Variants in SMG7 observed in about 807,000 individuals in gnomAD.
The protein encoded by SMG7 is nonsense-mediated mRNA decay factor SMG7.
Under a neutral mutation model 148.2 loss-of-function variants are expected in SMG7, and 34 were observed. That is an observed-to-expected ratio of 0.23 (90% CI 0.17 to 0.31). The LOEUF is 0.31. Ranked by LOEUF, SMG7 falls within the 10% of genes least tolerant of loss-of-function variation. SMG7 has a pLI of 1.00. For missense variants in SMG7, 1,114 were observed against 1,408.4 expected (o/e 0.79, Z 3.35); for synonymous variants, 492 against 515.1 (o/e 0.96, Z 0.61).
intron 1 of SMG7, among the ~76,000 whole-genome samples, chr1:183,478,976 G>A (rs982859163): frequency 1.3e-5 from 2 of 152,166 alleles, no homozygotes; most frequent in Non-Finnish European, 2.9e-5. Flanking sequence ...CTTATCAGCT[G>A]TCTGGGAAAT....
At chr1:183,516,018 T>G (rs1415206228) in intron 3 of SMG7, 27 bp downstream of exon 3, 2 of 1,345,416 alleles carry the variant, frequency 1.5e-6, no homozygotes, top group Non-Finnish European at 2.1e-6. Context: ...ATTTGAGAAG[T>G]CCCTGTAAGA....
chr1:183,550,298 G>A (rs1035445401), intron 20 of SMG7, among the ~76,000 whole-genome samples: 7 of 152,032 alleles, frequency 4.6e-5, no homozygotes, highest in African/African-American at 1.7e-4. Flanking sequence ...TCAAACTCCT[G>A]GGCTCAAGCA....
At chr1:183,499,200 G>A (rs1019441775) in intron 1 of SMG7, among the ~76,000 whole-genome samples, 2 of 152,172 alleles carry the variant, frequency 1.3e-5, no homozygotes, top group Admixed American at 6.5e-5. Flanking sequence ...AGTTTTCAGT[G>A]ATTATAAATA....
chr1:183,497,590 G>A (rs1658794869), intron 1 of SMG7, among the ~76,000 whole-genome samples: 2 of 151,910 alleles, frequency 1.3e-5, no homozygotes, highest in South Asian at 2.1e-4. Context: ...TTTATTTTGC[G>A]ATGGAGTCTT....
chr1:183,474,546 A>G (rs1241500406), intron 1 of SMG7, among the ~76,000 whole-genome samples: 1 of 152,246 alleles, frequency 6.6e-6, no homozygotes, highest in Non-Finnish European at 1.5e-5. Context: ...CCTGGGCAAC[A>G]AGAGTGAAAC....
chr1:183,512,916 T>G, intron 2 of SMG7, 48 bp downstream of exon 2: 2 of 1,499,612 alleles, frequency 1.3e-6, no homozygotes, highest in Non-Finnish European at 1.8e-6. Context: ...ATATATTAAA[T>G]TAATGGAAGG....
At chr1:183,542,927 ATGTGTGTGTGTGTGTG>A (rs3979479) in intron 14 of SMG7, among the ~76,000 whole-genome samples, 38 of 85,164 alleles carry the variant, frequency 4.5e-4, no homozygotes, top group African/African-American at 1.2e-3. Flanking sequence ...ATATATATAT[ATGTGTGTGTGTGTGTG>A]TGTGTGTGTG....
intron 1 of SMG7, among the ~76,000 whole-genome samples, chr1:183,474,131 T>G (rs1358105748): frequency 1.2e-4 from 19 of 152,212 alleles, no homozygotes. Flanking sequence ...TTCAAATAAA[T>G]ATAGCTATGA....
At position 183,533,708 on chromosome 1, in the gene SMG7, C is replaced by T. The variant is rs777353116; in HGVS notation, c.1039C>T (p.Leu347=). ...SFLGILCKCP[L]QNESQEESYN... is the part of the protein sequence containing the mutation. Reference sequence around the variant, plus strand: ...TCTTGGCATCCTGTGCAAGTGTCCTCTACAGAATGAGTCTCAGGAGGAGTC... The same window carrying T: ...TCTTGGCATCCTGTGCAAGTGTCCTTTACAGAATGAGTCTCAGGAGGAGTC... The change falls in exon 10 of 23, where the codon CTA becomes TTA. Residue 347 remains leucine, a synonymous_variant. Coordinates refer to ENST00000688051, the MANE Select transcript of SMG7 (RefSeq NM_001375584.1). 4.3e-6 allele frequency: 7 copies of T among 1,613,168 alleles called. No homozygotes were observed. Among genetic ancestry groups the T allele is most frequent in the Non-Finnish European group, 5.9e-6 (7 of 1,179,498 alleles).
chr1:183,533,897 A>G, intron 10 of SMG7, 65 bp downstream of exon 10: 5 of 1,351,074 alleles, frequency 3.7e-6, no homozygotes, highest in African/African-American at 2.9e-5. Context: ...ATAAATATGT[A>G]AAAACTGCCT....
chr1:183,546,203 T>C lies in SMG7; in HGVS notation c.2608T>C (p.Tyr870His). 6.2e-7 allele frequency: 1 copy of C among 1,614,086 alleles called. No individual in the cohort carries two copies. The highest frequency in any genetic ancestry group is 8.5e-7 in the Non-Finnish European group (1 of 1,179,984). ...CTCAGAAGTCAAGGTCCCAGAATTC[T>C]ACTGGGATTCTTCCTACAGCATGGC... ...NPSEVKVPEFYWDSSYSMADN... is the reference protein window; with the variant it reads ...NPSEVKVPEFHWDSSYSMADN... Residue 870 changes from tyrosine to histidine, a missense_variant, in exon 17 of 23, where the codon TAC becomes CAC. Coordinates refer to ENST00000688051, the MANE Select transcript of SMG7 (RefSeq NM_001375584.1).
rs532744837 is a variant in SMG7, at chr1:183,485,067, A to AT, written c.29+12420dup. Among the ~76,000 whole-genome samples the AT allele has an allele frequency of 7.2e-4, 110 of 152,134 alleles. 2 individuals carry two copies. Among genetic ancestry groups the AT allele is most frequent in the Non-Finnish European group, 1.2e-3 (85 of 68,016 alleles). On this transcript the variant is annotated intron_variant, in intron 1 of 22. Transcript: ENST00000688051. Reference sequence around the variant, plus strand: ...TGTTGTGCCAGACAGTATTCCAAATATTGTGTGTTTATTAACTCTTTGAAT... The same window carrying AT: ...TGTTGTGCCAGACAGTATTCCAAATATTTGTGTGTTTATTAACTCTTTGAAT...
At chr1:183,515,353 T>C (rs1663234079) in intron 2 of SMG7, among the ~76,000 whole-genome samples, 1 of 152,188 alleles carries the variant, frequency 6.6e-6, no homozygotes, top group African/African-American at 2.4e-5. Context: ...AACTGCAGAA[T>C]ACCAAAGCAA....
chr1:183,512,909 T>C (rs1307292217), intron 2 of SMG7, 41 bp downstream of exon 2: 1 of 1,533,280 alleles, frequency 6.5e-7, no homozygotes, highest in African/African-American at 1.4e-5. Flanking sequence ...ATATTTTATA[T>C]ATTAAATTAA....
chr1:183,502,066 G>A (rs1659851457), intron 1 of SMG7, among the ~76,000 whole-genome samples: 1 of 152,062 alleles, frequency 6.6e-6, no homozygotes, highest in Non-Finnish European at 1.5e-5. Flanking sequence ...GAATCTGTTA[G>A]AAATATATGA....
Position 183,527,926 on chromosome 1 carries a change from GT to G in SMG7, c.485-24del. 1 of 1,591,638 alleles carries G rather than the reference GT, an allele frequency of 6.3e-7. No individual in the cohort carries two copies. Among genetic ancestry groups the G allele is most frequent in the Non-Finnish European group, 8.6e-7 (1 of 1,162,402 alleles). ...TACTACCCTACTGTTTGTTTTTTGG[GT>G]TTTTTAAAACTAATTTTCTTCTTCT... On this transcript the variant is annotated intron_variant, in intron 5 of 22. Coordinates refer to ENST00000688051, the MANE Select transcript of SMG7 (RefSeq NM_001375584.1). This position sits in a 1 kb window ranked among gnomAD's most constrained non-coding sequence, Gnocchi z 4.0.
At position 183,534,823 on chromosome 1, in the gene SMG7, C is replaced by T. The variant is rs150383543; in HGVS notation, c.1163+991C>T. Among the ~76,000 whole-genome samples the T allele has an allele frequency of 2.0e-4, 30 of 151,708 alleles. No individual in the cohort carries two copies. In the East Asian group the frequency reaches 5.0e-3, roughly 25 times the overall value. The stretch of plus-strand genomic sequence containing the variant: ...CAGAGGTTGCGGTGAGCTGAGATCG[C>T]GCCATTGTACTCCAGCCTGTCTCAA... On this transcript the variant is annotated intron_variant, in intron 10 of 22. Transcript: ENST00000688051.
chr1:183,489,294 G>A (rs774264580), intron 1 of SMG7, among the ~76,000 whole-genome samples: 2 of 152,086 alleles, frequency 1.3e-5, no homozygotes, highest in African/African-American at 2.4e-5. Flanking sequence ...TCATTCTCGG[G>A]TTCTTGTCAG....
intron 14 of SMG7, 27 bp downstream of exon 14, chr1:183,542,529 G>C: frequency 6.4e-7 from 1 of 1,569,832 alleles, no homozygotes; most frequent in Non-Finnish European, 8.6e-7. Flanking sequence ...CTATAAAGCA[G>C]GTAGAGGAAG....
Sources: gnomAD v4.1 joint callset for allele counts (sites outside exome capture counted in the v4.1 genomes callset) on GRCh38, gnomAD v4.1.1 for gene constraint, Gnocchi (gnomAD v3.1) non-coding constraint, MANE v1.5 for transcripts, NCBI Gene and HGNC (gene_info 2026-07-23, HGNC 2026-07-21) for gene names.